Variants in CNTN1 observed in about 807,000 individuals in gnomAD.
CNTN1 encodes contactin-1.
In CNTN1, 38 loss-of-function variants were observed where a neutral mutation model predicts 126.4. The observed-to-expected ratio is 0.30, with a 90% CI of 0.23 to 0.39. The LOEUF (loss-of-function observed/expected upper bound fraction) is 0.39, where lower values mean the gene tolerates loss of function less well. Among genes scored for constraint, CNTN1 ranks in the 10% least tolerant of loss-of-function variants. The pLI is 1.00. For synonymous variants in CNTN1, 413 were observed against 422.6 expected (o/e 0.98, Z 0.28); for missense variants, 1,009 against 1,248.4 (o/e 0.81, Z 2.89).
At position 40,775,855 on chromosome 12, in the gene CNTN1, A is replaced by G. The variant is rs74439828; in HGVS notation, c.-77+83263A>G. 7.1e-3 allele frequency among the ~76,000 whole-genome samples: 1,080 copies of G among 151,790 alleles called. 19 individuals carry two copies. The highest frequency in any genetic ancestry group is 0.024 in the African/African-American group (1,009 of 41,512). Reference sequence around the variant, plus strand: ...TAACATTGCCAAAAACAAGTAAGCAAACAAGAAAAAGCCCCAGAGATCAAT... The same window carrying G: ...TAACATTGCCAAAAACAAGTAAGCAGACAAGAAAAAGCCCCAGAGATCAAT... On this transcript the variant is annotated intron_variant, in intron 1 of 23. Coordinates refer to ENST00000551295, the MANE Select transcript of CNTN1 (RefSeq NM_001843.4).
intron 23 of CNTN1, among the ~76,000 whole-genome samples, chr12:41,065,321 C>G (rs1331643044): frequency 2.6e-5 from 4 of 152,188 alleles, no homozygotes; most frequent in Non-Finnish European, 4.4e-5. Context: ...TCCCAAAGTG[C>G]TGGGATTACA....
Position 40,827,100 on chromosome 12 carries a change from A to T in CNTN1, c.-76-81257A>T, listed in dbSNP as rs943369014. The stretch of plus-strand genomic sequence containing the variant: ...TCCTAGTATTTTTGCAAATACTGTT[A>T]CGACATTTTAAAATGCTACCTTTGT... On this transcript the variant is annotated intron_variant, in intron 1 of 23. Transcript: ENST00000551295. Among the ~76,000 whole-genome samples, 3 of 152,118 alleles carry T rather than the reference A, an allele frequency of 2.0e-5. No individual in the cohort carries two copies. In the South Asian group the frequency reaches 6.2e-4, roughly 32 times the overall value.
intron 9 of CNTN1, among the ~76,000 whole-genome samples, chr12:40,934,390 T>C (rs978453129): frequency 6.6e-6 from 1 of 151,900 alleles, no homozygotes; most frequent in Non-Finnish European, 1.5e-5. Flanking sequence ...ATAATATTGG[T>C]CCTGGAGTCA....
intron 1 of CNTN1, among the ~76,000 whole-genome samples, chr12:40,728,509 G>A (rs1230866017): frequency 1.3e-5 from 2 of 152,058 alleles, no homozygotes; most frequent in Non-Finnish European, 2.9e-5. Context: ...TATCTCACTG[G>A]GTAGAACTAG....
intron 1 of CNTN1, among the ~76,000 whole-genome samples, chr12:40,706,764 T>C (rs1199201029): frequency 1.3e-5 from 2 of 152,220 alleles, no homozygotes; most frequent in African/African-American, 4.8e-5. Context: ...CATGATAATA[T>C]ATGTGCTGTA....
chr12:40,957,327 T>C (rs558427674), intron 14 of CNTN1, among the ~76,000 whole-genome samples: 11 of 151,942 alleles, frequency 7.2e-5, no homozygotes, highest in African/African-American at 2.4e-4. Flanking sequence ...GCCAACAAGA[T>C]GGCAGAGCAC....
chr12:41,021,786 A>G (rs1196907347), intron 20 of CNTN1, among the ~76,000 whole-genome samples: 2 of 152,102 alleles, frequency 1.3e-5, no homozygotes, highest in South Asian at 4.1e-4. Flanking sequence ...AATATTCATA[A>G]CTTACTAACC....
intron 16 of CNTN1, among the ~76,000 whole-genome samples, chr12:40,987,662 A>C (rs940831045): frequency 1.3e-4 from 20 of 152,332 alleles, no homozygotes; most frequent in African/African-American, 4.6e-4. Flanking sequence ...GACTGAGTTG[A>C]TTATTAAAAT....
intron 1 of CNTN1, among the ~76,000 whole-genome samples, chr12:40,800,866 G>A (rs1352035962): frequency 2.0e-5 from 3 of 151,960 alleles, no homozygotes; most frequent in South Asian, 2.1e-4. Context: ...GGTTGAGCAT[G>A]AGCAGGAATC....
At chr12:41,063,336 A>T (rs747161056) in intron 23 of CNTN1, among the ~76,000 whole-genome samples, 3 of 152,214 alleles carry the variant, frequency 2.0e-5, no homozygotes, top group African/African-American at 7.2e-5. Flanking sequence ...CGTTTTTCCA[A>T]TTACCACAAA....
intron 1 of CNTN1, among the ~76,000 whole-genome samples, chr12:40,906,826 C>T (rs111541054): frequency 0.23 from 34,767 of 151,210 alleles, 4,578 homozygotes; most frequent in Middle Eastern, 0.33. Flanking sequence ...TACAGGCATG[C>T]GCCACTAAGC....
intron 17 of CNTN1, among the ~76,000 whole-genome samples, chr12:41,009,447 A>T (rs987105971): frequency 1.3e-5 from 2 of 152,190 alleles, no homozygotes; most frequent in Non-Finnish European, 2.9e-5. Flanking sequence ...TAACCATCAA[A>T]TTAAGTTCCT....
intron 1 of CNTN1, among the ~76,000 whole-genome samples, chr12:40,888,704 T>C (rs762912074): frequency 6.6e-6 from 1 of 152,238 alleles, no homozygotes; most frequent in Non-Finnish European, 1.5e-5. Flanking sequence ...GAAAGATAGC[T>C]GATTGGTAGG....
rs140795546 is a variant in CNTN1 at position 40,694,974 on chromosome 12, G to A, written c.-77+2382G>A. 2.4e-3 allele frequency among the ~76,000 whole-genome samples: 360 copies of A among 152,220 alleles called. 3 individuals are homozygous for A. The highest frequency in any genetic ancestry group is 8.4e-3 in the African/African-American group (347 of 41,538). On this transcript the variant is annotated intron_variant, in intron 1 of 23. Coordinates refer to ENST00000551295, the MANE Select transcript of CNTN1 (RefSeq NM_001843.4). ...ATACATAGGTATGTATCAACTAAAT[G>A]CATTTTAAAATTCATGGTTCTAACA... is the stretch of plus-strand genomic sequence containing the variant.
At chr12:40,741,992 C>T (rs1937963565) in intron 1 of CNTN1, among the ~76,000 whole-genome samples, 1 of 151,876 alleles carries the variant, frequency 6.6e-6, no homozygotes, top group African/African-American at 2.4e-5. Flanking sequence ...AAAGTCTAAG[C>T]TTTCAAAACT....
In CNTN1 at chr12:40,791,031, T is replaced by C. The variant is rs532766585; in HGVS notation, c.-77+98439T>C. Among the ~76,000 whole-genome samples the C allele has an allele frequency of 3.3e-5, 5 of 152,228 alleles. No individual in the cohort carries two copies. The South Asian group carries it at 1.0e-3, about 32-fold the overall frequency. On this transcript the variant is annotated intron_variant, in intron 1 of 23. Coordinates refer to ENST00000551295, the MANE Select transcript of CNTN1 (RefSeq NM_001843.4). ...TATGCCTGGGGTTAGGAAAGAACAC[T>C]TTCCTCAAATTCTTTATTTCATATT...
chr12:40,991,298 T>A (rs1239041841), intron 16 of CNTN1, among the ~76,000 whole-genome samples: 1 of 152,118 alleles, frequency 6.6e-6, no homozygotes, highest in Non-Finnish European at 1.5e-5. Context: ...ATAAAGACAT[T>A]TGTCATTGGA....
chr12:40,935,547 A>G (rs551601909), intron 9 of CNTN1, among the ~76,000 whole-genome samples: 5 of 152,184 alleles, frequency 3.3e-5, no homozygotes, highest in South Asian at 4.1e-4. Context: ...TGTCAAGCCA[A>G]TTCAATTATT....
intron 14 of CNTN1, among the ~76,000 whole-genome samples, chr12:40,947,828 C>CACAT (rs1183593623): frequency 2.3e-4 from 33 of 142,960 alleles, no homozygotes; most frequent in African/African-American, 6.5e-4. Context: ...CACACACACA[C>CACAT]ATATGTATTA....
Sources: gnomAD v4.1 joint callset for allele counts (sites outside exome capture counted in the v4.1 genomes callset) on GRCh38, gnomAD v4.1.1 for gene constraint, MANE v1.5 for transcripts, NCBI Gene and HGNC (gene_info 2026-07-23, HGNC 2026-07-21) for gene names.